CCDC33: variants seen among roughly 807,000 people sequenced by gnomAD.
CCDC33 encodes the protein coiled-coil domain containing 33.
A neutral mutation model predicts 91.9 loss-of-function variants in CCDC33; 94 were observed. The ratio of observed to expected loss-of-function variants is 1.02; its 90% CI spans 0.87 to 1.21. The LOEUF is 1.21. Ranked by LOEUF, CCDC33 falls within the 50% of genes most tolerant of loss-of-function variation. The pLI, the probability that CCDC33 is intolerant of heterozygous loss-of-function variation, is 0.00. For missense variants in CCDC33, 940 were observed against 935.5 expected, an observed-to-expected ratio of 1.00 and a Z score of -0.06; for synonymous variants, 396 against 374.5, an observed-to-expected ratio of 1.06 and a Z score of -0.66.
intron 1 of CCDC33, among the ~76,000 whole-genome samples, chr15:74,207,094 A>T (rs2074276542): frequency 6.6e-6 from 1 of 152,174 alleles, no homozygotes; most frequent in African/African-American, 2.4e-5. Flanking sequence ...CCTTCCTCTC[A>T]TGTTTTTGTT....
chr15:74,310,301 G>A (rs1478267568), intron 11 of CCDC33, among the ~76,000 whole-genome samples: 2 of 152,186 alleles, frequency 1.3e-5, no homozygotes, highest in African/African-American at 4.8e-5. Context: ...CACTTTGGAA[G>A]GCCGAGGCGG....
chr15:74,281,986 T>C (rs1265286468), intron 10 of CCDC33, 137 bp downstream of exon 10: 3 of 695,972 alleles, frequency 4.3e-6, no homozygotes, highest in Non-Finnish European at 7.1e-6. Flanking sequence ...CGTCTAAGGG[T>C]GATTTGAGAC....
chr15:74,275,019 G>T (rs1234958465), intron 7 of CCDC33, among the ~76,000 whole-genome samples: 1 of 152,238 alleles, frequency 6.6e-6, no homozygotes, highest in Non-Finnish European at 1.5e-5. Flanking sequence ...ACCTGGAGGG[G>T]CACCAGTCAG....
chr15:74,217,440 T>C (rs936159141), exon 1 of CCDC33: 24 of 1,289,646 alleles, frequency 1.9e-5, no homozygotes, highest in Non-Finnish European at 2.4e-5. Context: ...GCAGGTGGGC[T>C]CTGGGGCTGG....
chr15:74,211,434 C>T (rs1390336058), intron 2 of CCDC33, among the ~76,000 whole-genome samples: 2 of 114,884 alleles, frequency 1.7e-5, no homozygotes, highest in East Asian at 5.8e-4. Flanking sequence ...GAGTTTGGCT[C>T]TTGTTGCCCA....
chr15:74,212,818 A>G (rs1022576898), upstream of CCDC33: 1 of 152,134 alleles, frequency 6.6e-6, no homozygotes, highest in African/African-American at 2.4e-5. Context: ...CTCCTCCTCA[A>G]GGCGGGTTAT....
chr15:74,280,419 C>T (rs1027293252), intron 8 of CCDC33, among the ~76,000 whole-genome samples: 2 of 152,220 alleles, frequency 1.3e-5, no homozygotes, highest in African/African-American at 4.8e-5. Context: ...GTTTTCTGCA[C>T]TGTGGGATTG....
At chr15:74,331,693 T>G (rs995614338) in intron 15 of CCDC33, among the ~76,000 whole-genome samples, 5 of 152,202 alleles carry the variant, frequency 3.3e-5, no homozygotes, top group Admixed American at 3.3e-4. Context: ...CCGCCAAAGA[T>G]TCTGCCTCTG....
Position 74,281,832 on chromosome 15 carries a change from C to T in CCDC33, c.1078C>T (p.Gln360Ter). Residue 360 changes from glutamine to a stop codon, truncating the protein, a stop_gained, in exon 10 of 19, where the codon CAG (glutamine) becomes TAG (stop). Coordinates refer to ENST00000398814, the MANE Select transcript of CCDC33 (RefSeq NM_025055.5). LOFTEE classifies it high-confidence loss of function. ...GGCCCCCACAGTGGCTCTCTCCTTC[C>T]AGCTGCTTTCCTCTGAGGTAAGGCT... ...DEAPTVALSF[Q>*]LLSSERPENF... 1 of 1,614,070 alleles carries T rather than the reference C, an allele frequency of 6.2e-7. No homozygotes were observed. Among genetic ancestry groups the T allele is most frequent in the Non-Finnish European group, 8.5e-7 (1 of 1,179,966 alleles).
chr15:74,228,400 T>C (rs1338213657), intron 2 of CCDC33, among the ~76,000 whole-genome samples: 1 of 152,200 alleles, frequency 6.6e-6, no homozygotes, highest in African/African-American at 2.4e-5. Flanking sequence ...ATTTAAAGAC[T>C]ATAGCCAATG....
At chr15:74,229,756 C>A (rs2074909684) in intron 2 of CCDC33, among the ~76,000 whole-genome samples, 1 of 152,194 alleles carries the variant, frequency 6.6e-6, no homozygotes. Flanking sequence ...ATACTTGACA[C>A]AAATGTCATC....
chr15:74,327,406 G>A (rs1247097291), intron 11 of CCDC33, among the ~76,000 whole-genome samples: 7 of 152,196 alleles, frequency 4.6e-5, no homozygotes, highest in Admixed American at 3.9e-4. Context: ...AGGCTGAGGC[G>A]GGCAGATTAC....
chr15:74,264,294 CCT>C (rs904492437), intron 3 of CCDC33, among the ~76,000 whole-genome samples: 2 of 152,078 alleles, frequency 1.3e-5, no homozygotes, highest in African/African-American at 4.8e-5. Flanking sequence ...AGTTTCAGAC[CCT>C]GTGTCAGGGC....
intron 11 of CCDC33, among the ~76,000 whole-genome samples, chr15:74,317,938 A>T (rs4887134): frequency 0.47 from 67,402 of 144,256 alleles, 18,097 homozygotes; most frequent in Non-Finnish European, 0.6. Context: ...TTTCAAAAAC[A>T]TCCACCCATG....
At chr15:74,272,564 A>C (rs957057319) in intron 6 of CCDC33, among the ~76,000 whole-genome samples, 1 of 152,136 alleles carries the variant, frequency 6.6e-6, no homozygotes, top group Non-Finnish European at 1.5e-5. Context: ...ATGACTTATG[A>C]AGCCCCCTTG....
chr15:74,266,839 A>C (rs535362428), intron 4 of CCDC33, 52 bp downstream of exon 4: 50 of 1,327,826 alleles, frequency 3.8e-5, no homozygotes, highest in Non-Finnish European at 5.1e-5. Context: ...AACCACCTTG[A>C]ATGTCCCCAG....
At chr15:74,228,359 C>T (rs997800425) in intron 2 of CCDC33, among the ~76,000 whole-genome samples, 3 of 152,222 alleles carry the variant, frequency 2.0e-5, no homozygotes, top group Admixed American at 2.0e-4. Flanking sequence ...CAACACTCGC[C>T]AGCAGGACTG....
At chr15:74,210,995 G>T (rs1390792379) in intron 2 of CCDC33, among the ~76,000 whole-genome samples, 2 of 152,152 alleles carry the variant, frequency 1.3e-5, no homozygotes, top group Non-Finnish European at 2.9e-5. Context: ...CTTAGCTAAG[G>T]CCAGATTATA....
rs187844524 is a variant in CCDC33, at chr15:74,257,587, G to T, written c.186-4853G>T. ...CAAAAAGGGGCCTTGAGAGGGACTC[G>T]GGGGAGAACCACAGCCTCCCTCTCC... On this transcript the variant is annotated intron_variant, in intron 2 of 18. Transcript: ENST00000398814. Among the ~76,000 whole-genome samples the T allele has an allele frequency of 2.0e-5, 3 of 152,292 alleles. No individual in the cohort carries two copies. In the South Asian group the frequency reaches 6.2e-4, roughly 32 times the overall value.
Sources: gnomAD v4.1 joint callset for allele counts (sites outside exome capture counted in the v4.1 genomes callset) on GRCh38, gnomAD v4.1.1 for gene constraint, MANE v1.5 for transcripts, NCBI Gene and HGNC (gene_info 2026-07-23, HGNC 2026-07-21) for gene names.